The following TUSC3 variants were observed in gnomAD, a reference collection of about 807,000 sequenced individuals.
TUSC3 encodes the protein tumor suppressor candidate 3.
In TUSC3, 45 loss-of-function variants were observed where a neutral mutation model predicts 44.8. That is an observed-to-expected ratio of 1.00 (90% CI 0.79 to 1.29). The LOEUF (loss-of-function observed/expected upper bound fraction) is 1.29, where lower values mean the gene tolerates loss of function less well. Ranked by LOEUF, TUSC3 falls within the 50% of genes most tolerant of loss-of-function variation. The probability of loss-of-function intolerance (pLI) is 0.00; values close to 1 mark genes in which losing one functional copy is unlikely to be tolerated. For missense variants in TUSC3, 519 were observed against 437.9 expected (o/e 1.19, Z -1.65); for synonymous variants, 212 against 152.9 (o/e 1.39, Z -2.85).
chr8:15,706,317 G>T (rs913399223), intron 6 of TUSC3, among the ~76,000 whole-genome samples: 2 of 151,884 alleles, frequency 1.3e-5, no homozygotes, highest in African/African-American at 4.8e-5. Context: ...AGGAAGCAAA[G>T]GAAAAGAAAG....
chr8:15,757,346 A>G (rs1229199255), intron 9 of TUSC3, among the ~76,000 whole-genome samples: 2 of 152,224 alleles, frequency 1.3e-5, no homozygotes, highest in Non-Finnish European at 2.9e-5. Flanking sequence ...ACAGAATAAC[A>G]GCTAAAAATG....
chr8:15,736,675 A>C (rs1157147251), intron 7 of TUSC3, among the ~76,000 whole-genome samples: 6 of 152,194 alleles, frequency 3.9e-5, no homozygotes, highest in Non-Finnish European at 8.8e-5. Flanking sequence ...ACATTTAGAG[A>C]AATGTTTGCA....
At chr8:15,829,053 T>G in the TUSC3 span, among the ~76,000 whole-genome samples, 1 of 152,224 alleles carries the variant, frequency 6.6e-6, no homozygotes, top group Non-Finnish European at 1.5e-5. Context: ...TTCTCCAAAT[T>G]TTCACTTATG....
At chr8:15,648,617 T>G (rs1471284621) in intron 2 of TUSC3, among the ~76,000 whole-genome samples, 2 of 148,656 alleles carry the variant, frequency 1.3e-5, no homozygotes, top group Non-Finnish European at 3.0e-5. Context: ...TCCCAGCTAC[T>G]CGGGAGGCTG....
intron 2 of TUSC3, among the ~76,000 whole-genome samples, chr8:15,524,014 C>T (rs1801339776): frequency 6.7e-6 from 1 of 149,818 alleles, no homozygotes; most frequent in Admixed American, 6.7e-5. Context: ...TGAGATTGCG[C>T]CACTGCACTC....
chr8:15,820,235 T>C, the TUSC3 span, among the ~76,000 whole-genome samples: 23 of 152,286 alleles, frequency 1.5e-4, no homozygotes, highest in African/African-American at 5.5e-4. Flanking sequence ...TTCTTATATA[T>C]TGTTGGATTC....
At chr8:15,438,175 A>G (rs148700309) in intron 1 of TUSC3, among the ~76,000 whole-genome samples, 81 of 152,128 alleles carry the variant, frequency 5.3e-4, no homozygotes, top group African/African-American at 1.9e-3. Flanking sequence ...GCTCCCTGCA[A>G]TCTCCGTCTC....
chr8:15,528,687 C>T (rs1371805311), intron 2 of TUSC3, among the ~76,000 whole-genome samples: 1 of 152,144 alleles, frequency 6.6e-6, no homozygotes. Context: ...AGAGATACTC[C>T]CTGCATACTC....
chr8:15,786,934 A>G, the TUSC3 span, among the ~76,000 whole-genome samples: 3 of 113,028 alleles, frequency 2.7e-5, no homozygotes, highest in African/African-American at 1.1e-4. Context: ...ACAGAGGGAG[A>G]CTCCATCAAA....
chr8:15,538,012 T>C (rs1035465188), upstream of TUSC3, among the ~76,000 whole-genome samples: 1 of 152,174 alleles, frequency 6.6e-6, no homozygotes, highest in African/African-American at 2.4e-5. Context: ...AGTGGAGCTC[T>C]TATGTACGCA....
chr8:15,640,383 T>G (rs1320676379), intron 2 of TUSC3, among the ~76,000 whole-genome samples: 4 of 152,212 alleles, frequency 2.6e-5, no homozygotes, highest in Non-Finnish European at 4.4e-5. Context: ...TTCTCTGTAG[T>G]AAATCTCAAC....
chr8:15,782,947 T>G, the TUSC3 span, among the ~76,000 whole-genome samples: 2 of 152,002 alleles, frequency 1.3e-5, no homozygotes, highest in Non-Finnish European at 2.9e-5. Context: ...TCTGGTAACA[T>G]GATGTGATAA....
chr8:15,595,909 G>C (rs1381052162), intron 1 of TUSC3, among the ~76,000 whole-genome samples: 1 of 152,156 alleles, frequency 6.6e-6, no homozygotes, highest in South Asian at 2.1e-4. Flanking sequence ...GTCCAGGTAT[G>C]CCATAGGAAC....
the TUSC3 span, among the ~76,000 whole-genome samples, chr8:15,837,071 G>T: frequency 1.3e-5 from 2 of 152,124 alleles, no homozygotes; most frequent in South Asian, 4.1e-4. Flanking sequence ...TTAAGTCACT[G>T]CTTATTTCCT....
the TUSC3 span, chr8:15,807,366 C>A: frequency 2.8e-6 from 1 of 355,562 alleles, no homozygotes. Context: ...ACAACAACAA[C>A]AAAACAAGGC....
intron 2 of TUSC3, among the ~76,000 whole-genome samples, chr8:15,528,684 C>T (rs1418606532): frequency 6.6e-6 from 1 of 152,198 alleles, no homozygotes; most frequent in Admixed American, 6.5e-5. Context: ...CTCAGAGATA[C>T]TCCCTGCATA....
chr8:15,723,557 C>G (rs1054948663), intron 6 of TUSC3, among the ~76,000 whole-genome samples: 2 of 152,116 alleles, frequency 1.3e-5, no homozygotes, highest in Non-Finnish European at 2.9e-5. Context: ...TCCAGAAAGA[C>G]TTGGCCTGAG....
intron 1 of TUSC3, among the ~76,000 whole-genome samples, chr8:15,439,869 G>C (rs754603166): frequency 6.6e-6 from 1 of 152,120 alleles, no homozygotes; most frequent in African/African-American, 2.4e-5. Flanking sequence ...TGGTTCATTA[G>C]TAACAAAAAT....
chr8:15,736,096 T>C (rs1283040872), intron 7 of TUSC3, among the ~76,000 whole-genome samples: 3 of 152,102 alleles, frequency 2.0e-5, no homozygotes, highest in Non-Finnish European at 4.4e-5. Context: ...TAAAAACAAA[T>C]GTGTGTGGGG....
Sources: allele counts gnomAD v4.1 joint callset (sites outside exome capture counted in the v4.1 genomes callset), GRCh38; gene constraint gnomAD v4.1.1; transcripts MANE v1.5; gene names NCBI Gene and HGNC (gene_info 2026-07-23, HGNC 2026-07-21).